The following ABI1 variants were observed in gnomAD, a reference collection of about 807,000 sequenced individuals.
ABI1 encodes the protein abl interactor 1.
A neutral mutation model predicts 54.6 loss-of-function variants in ABI1; 14 were observed. That is an observed-to-expected ratio of 0.26 (90% CI 0.17 to 0.40). The LOEUF (loss-of-function observed/expected upper bound fraction) is 0.40, where lower values mean the gene tolerates loss of function less well. Among genes scored for constraint, ABI1 ranks in the 10% least tolerant of loss-of-function variants. ABI1 has a pLI of 1.00. For synonymous variants in ABI1, 194 were observed against 209.3 expected (o/e 0.93, Z 0.63); for missense variants, 443 against 598.3 (o/e 0.74, Z 2.71).
At chr10:26,826,638 T>C (rs2048321730) in intron 1 of ABI1, among the ~76,000 whole-genome samples, 2 of 152,256 alleles carry the variant, frequency 1.3e-5, no homozygotes, top group Admixed American at 1.3e-4. Context: ...TTCGTCTACA[T>C]GGAAAATCTG....
At chr10:26,751,048 T>G (rs1411098986) in intron 10 of ABI1, among the ~76,000 whole-genome samples, 1 of 151,736 alleles carries the variant, frequency 6.6e-6, no homozygotes, top group Admixed American at 6.6e-5. Flanking sequence ...ACCCACTGTT[T>G]AGTGGAAAAT....
intron 1 of ABI1, among the ~76,000 whole-genome samples, chr10:26,837,267 T>C (rs10829089): frequency 0.26 from 38,864 of 152,136 alleles, 5,623 homozygotes; most frequent in South Asian, 0.44. Context: ...GGATTTCTTC[T>C]TGGCTTGCAG....
At chr10:26,819,322 A>G (rs925216492) in intron 2 of ABI1, among the ~76,000 whole-genome samples, 18 of 152,222 alleles carry the variant, frequency 1.2e-4, no homozygotes, top group African/African-American at 4.1e-4. Flanking sequence ...TCTGAAGAAT[A>G]CTACCCAAGA....
chr10:26,795,658 C>G (rs181812456), intron 2 of ABI1, among the ~76,000 whole-genome samples: 7 of 148,574 alleles, frequency 4.7e-5, no homozygotes, highest in Admixed American at 2.0e-4. Flanking sequence ...TGATAGCATC[C>G]AAAAAAAAAT....
At chr10:26,782,631 G>A (rs997734114) in intron 2 of ABI1, among the ~76,000 whole-genome samples, 4 of 151,776 alleles carry the variant, frequency 2.6e-5, no homozygotes, top group Non-Finnish European at 5.9e-5. Context: ...GCTGAGGCAG[G>A]AGAAACGCTT....
intron 2 of ABI1, among the ~76,000 whole-genome samples, chr10:26,814,199 T>C (rs1251539116): frequency 1.3e-5 from 2 of 152,244 alleles, no homozygotes. Context: ...AAGACTCTGA[T>C]TACAAATTGG....
intron 1 of ABI1, among the ~76,000 whole-genome samples, chr10:26,833,881 C>T (rs550850107): frequency 6.6e-6 from 1 of 151,982 alleles, no homozygotes; most frequent in Non-Finnish European, 1.5e-5. Flanking sequence ...CCTTTATTTA[C>T]AACACCAAAA....
chr10:26,858,699 T>C (rs2134382081), intron 1 of ABI1, among the ~76,000 whole-genome samples: 2 of 152,034 alleles, frequency 1.3e-5, no homozygotes, highest in Admixed American at 1.3e-4. Context: ...TACATGATTG[T>C]AGCAAGAGGA....
intron 2 of ABI1, among the ~76,000 whole-genome samples, chr10:26,816,987 T>TGG (rs1491589029): frequency 2.3e-3 from 1 of 426 alleles, no homozygotes; most frequent in Non-Finnish European, 0.033. Flanking sequence ...GCAAAGACTT[T>TGG]GTGTGTGTGT....
chr10:26,841,291 T>C lies in ABI1; in HGVS notation c.118-17986A>G, dbSNP rs184591095. ...TTTATTTCATTTTTTAAATAAATTT[T>C]ATTGTATATATTTAAAGCATACAAC... On this transcript the variant is annotated intron_variant, in intron 1 of 10. Coordinates refer to ENST00000376140, the MANE Select transcript of ABI1 (RefSeq NM_001012750.3). 3.4e-3 allele frequency among the ~76,000 whole-genome samples: 516 copies of C among 152,288 alleles called. 2 individuals carry two copies. The highest frequency in any genetic ancestry group is 2.9e-3 in the Non-Finnish European group (198 of 68,028).
intron 5 of ABI1, 59 bp downstream of exon 5, chr10:26,770,186 C>T (rs1840495677): frequency 7.0e-7 from 1 of 1,432,050 alleles, no homozygotes; most frequent in Admixed American, 1.7e-5. Flanking sequence ...ACTTAAGTCA[C>T]AGAAACATCT....
chr10:26,794,047 A>G (rs568587947), intron 2 of ABI1, among the ~76,000 whole-genome samples: 1 of 152,310 alleles, frequency 6.6e-6, no homozygotes, highest in South Asian at 2.1e-4. Flanking sequence ...GTTCAAGACC[A>G]GCCTGGCCAA....
At chr10:26,795,916 C>A (rs1844096705) in intron 2 of ABI1, among the ~76,000 whole-genome samples, 1 of 152,124 alleles carries the variant, frequency 6.6e-6, no homozygotes, top group Admixed American at 6.5e-5. Flanking sequence ...TACAGAGCCA[C>A]AAAAATCCTA....
At chr10:26,814,664 A>C (rs1171729730) in intron 2 of ABI1, among the ~76,000 whole-genome samples, 1 of 152,212 alleles carries the variant, frequency 6.6e-6, no homozygotes, top group Non-Finnish European at 1.5e-5. Flanking sequence ...TTGGTTACAG[A>C]AAGGACTTAT....
rs1277189817 is a variant in ABI1 at position 26,860,748 on chromosome 10, T to C, written c.116A>G (p.Gln39Arg). 1 of 1,612,438 alleles carries C rather than the reference T, an allele frequency of 6.2e-7. No homozygotes were observed. Among genetic ancestry groups the C allele is most frequent in the Admixed American group, 1.7e-5 (1 of 60,006 alleles). The change falls in exon 1 of 11, where the codon CAG (glutamine) becomes CGG (arginine). Residue 39 changes from glutamine (Q) to arginine (R), a missense_variant and splice_region_variant. Coordinates refer to ENST00000376140, the MANE Select transcript of ABI1 (RefSeq NM_001012750.3). The surrounding 1 kb of genome is among the most constrained non-coding windows in gnomAD (Gnocchi z 4.1). ...CCGCCGGCCGCCAGAGCGCCTCACCTGTATGTAGTTGTTTTCACAGTAGTC... is the reference window on the plus strand; with the variant it reads ...CCGCCGGCCGCCAGAGCGCCTCACCCGTATGTAGTTGTTTTCACAGTAGTC... ...VADYCENNYI[Q>R]ATDKRKALEE...
rs1482670952 is a variant in ABI1 at position 26,772,884 on chromosome 10, G to A, written c.463-1795C>T. 2.6e-5 allele frequency among the ~76,000 whole-genome samples: 4 copies of A among 151,624 alleles called. No individual in the cohort carries two copies. In the East Asian group the frequency reaches 7.7e-4, roughly 29 times the overall value. ...GCCCAAGAGTTTGAGACCAGCCTGG[G>A]CAACAAGGCGAAACCCCTTCTCTTG... On this transcript the variant is annotated intron_variant, in intron 3 of 10. Transcript: ENST00000376140.
intron 1 of ABI1, among the ~76,000 whole-genome samples, chr10:26,853,869 T>C (rs11015346): frequency 0.26 from 39,069 of 151,980 alleles, 5,713 homozygotes; most frequent in South Asian, 0.44. Flanking sequence ...GCCAACACTA[T>C]TTTCATGGGT....
intron 2 of ABI1, among the ~76,000 whole-genome samples, chr10:26,785,479 T>C (rs1011110344): frequency 1.3e-5 from 2 of 152,156 alleles, no homozygotes; most frequent in African/African-American, 4.8e-5. Flanking sequence ...CCCAGCACTT[T>C]GGGAGGCCGA....
chr10:26,753,709 A>G (rs999195627), intron 9 of ABI1, among the ~76,000 whole-genome samples: 3 of 152,204 alleles, frequency 2.0e-5, no homozygotes, highest in Admixed American at 6.5e-5. Flanking sequence ...GTACTTCATA[A>G]AACGTTTAAA....
Sources: allele counts gnomAD v4.1 joint callset (sites outside exome capture counted in the v4.1 genomes callset), GRCh38; gene constraint gnomAD v4.1.1; non-coding constraint Gnocchi (gnomAD v3.1); transcripts MANE v1.5; gene names NCBI Gene and HGNC (gene_info 2026-07-23, HGNC 2026-07-21).